STXBP5L: variants seen among roughly 807,000 people sequenced by gnomAD.
The protein encoded by STXBP5L is syntaxin-binding protein 5-like.
A neutral mutation model predicts 144.5 loss-of-function variants in STXBP5L; 65 were observed. The observed-to-expected ratio is 0.45, with a 90% CI of 0.37 to 0.55. STXBP5L has a LOEUF of 0.55. Ranked by LOEUF, STXBP5L falls within the 20% of genes least tolerant of loss-of-function variation. The pLI is 0.00. For missense variants in STXBP5L, 1,298 were observed against 1,405.5 expected (o/e 0.92, Z 1.22); for synonymous variants, 505 against 469.6 (o/e 1.08, Z -0.97).
At position 121,373,380 on chromosome 3, in the gene STXBP5L, C is replaced by A. The variant is rs143883285; in HGVS notation, c.2177-5336C>A. On this transcript the variant is annotated intron_variant, in intron 20 of 26. Coordinates refer to ENST00000471454, the MANE Select transcript of STXBP5L (RefSeq NM_001308330.2). The stretch of plus-strand genomic sequence containing the variant: ...AGTATAAGGAGCTTCCTGGAGTCCA[C>A]AAGACTGCATTGTTTCAGGGAGGGA... Among the ~76,000 whole-genome samples the A allele has an allele frequency of 1.9e-3, 289 of 152,312 alleles. 1 individual carries two copies. In the Middle Eastern group the frequency reaches 0.024, roughly 13 times the overall value.
chr3:121,345,725 A>C (rs1559999624), intron 20 of STXBP5L, among the ~76,000 whole-genome samples: 1 of 152,084 alleles, frequency 6.6e-6, no homozygotes, highest in African/African-American at 2.4e-5. Flanking sequence ...ATGGTATCTC[A>C]TTGTGGTATT....
At chr3:121,156,177 T>C (rs2046104300) in intron 8 of STXBP5L, among the ~76,000 whole-genome samples, 1 of 152,030 alleles carries the variant, frequency 6.6e-6, no homozygotes, top group South Asian at 2.1e-4. Context: ...TGTTGCTTTT[T>C]CCACTTAATC....
At chr3:121,130,549 G>C (rs2044936224) in intron 7 of STXBP5L, among the ~76,000 whole-genome samples, 1 of 152,040 alleles carries the variant, frequency 6.6e-6, no homozygotes, top group African/African-American at 2.4e-5. Context: ...AATTGACAGA[G>C]GAGGAAAGAA....
chr3:121,103,705 G>A (rs996761449), intron 5 of STXBP5L, among the ~76,000 whole-genome samples: 1 of 152,048 alleles, frequency 6.6e-6, no homozygotes, highest in African/African-American at 2.4e-5. Flanking sequence ...AGATAAGACA[G>A]TATAGAGAAT....
intron 3 of STXBP5L, among the ~76,000 whole-genome samples, chr3:120,994,431 A>G (rs1943177949): frequency 6.6e-6 from 1 of 152,098 alleles, no homozygotes; most frequent in Non-Finnish European, 1.5e-5. Flanking sequence ...GGTTTATCAT[A>G]TATGACCTTT....
intron 3 of STXBP5L, among the ~76,000 whole-genome samples, chr3:120,974,806 T>C (rs2107816602): frequency 6.6e-6 from 1 of 152,284 alleles, no homozygotes; most frequent in East Asian, 1.9e-4. Context: ...GGGAATCCTT[T>C]CCCCATTTCT....
chr3:121,178,444 G>A (rs944450389), intron 9 of STXBP5L, among the ~76,000 whole-genome samples: 4 of 152,012 alleles, frequency 2.6e-5, no homozygotes, highest in African/African-American at 9.7e-5. Context: ...AAATAACAAG[G>A]AAAATCTTAA....
chr3:121,040,320 T>C (rs936449381), intron 3 of STXBP5L, among the ~76,000 whole-genome samples: 4 of 152,080 alleles, frequency 2.6e-5, no homozygotes, highest in Admixed American at 2.6e-4. Context: ...CAGAGCAGTC[T>C]TTATCTTAGG....
At chr3:121,029,984 T>C (rs1178897026) in intron 3 of STXBP5L, among the ~76,000 whole-genome samples, 2 of 152,116 alleles carry the variant, frequency 1.3e-5, no homozygotes, top group Non-Finnish European at 2.9e-5. Flanking sequence ...TGAGATACCA[T>C]CTCATGCCAG....
At chr3:121,051,046 A>G (rs1269132329) in intron 5 of STXBP5L, among the ~76,000 whole-genome samples, 1 of 152,238 alleles carries the variant, frequency 6.6e-6, no homozygotes, top group Non-Finnish European at 1.5e-5. Flanking sequence ...TATCCTAAAT[A>G]TATATGCACC....
chr3:121,017,946 G>A (rs536225680), intron 3 of STXBP5L, among the ~76,000 whole-genome samples: 10 of 152,166 alleles, frequency 6.6e-5, no homozygotes, highest in Non-Finnish European at 1.5e-4. Flanking sequence ...ATGTGTTGTG[G>A]CATGCACCCG....
In STXBP5L at chr3:121,235,350, C is replaced by A. The variant is rs186576346; in HGVS notation, c.1184+1662C>A. Among the ~76,000 whole-genome samples the A allele has an allele frequency of 1.7e-3, 264 of 152,130 alleles. 1 individual carries two copies. The highest frequency in any genetic ancestry group is 5.5e-3 in the African/African-American group (230 of 41,550). On this transcript the variant is annotated intron_variant, in intron 12 of 26. Transcript: ENST00000471454. ...TATCTTTTTCTTTCCATTTAATCCC[C>A]AACCCGAAGGCAAGCATTAGGGTTT... is the stretch of plus-strand genomic sequence containing the variant.
At chr3:121,207,483 G>A (rs1034369761) in intron 10 of STXBP5L, among the ~76,000 whole-genome samples, 1 of 152,162 alleles carries the variant, frequency 6.6e-6, no homozygotes, top group East Asian at 1.9e-4. Context: ...TTGACAAATG[G>A]GATCTAATTA....
intron 2 of STXBP5L, among the ~76,000 whole-genome samples, chr3:120,945,837 G>T (rs1430444594): frequency 6.6e-6 from 1 of 151,732 alleles, no homozygotes; most frequent in South Asian, 2.1e-4. Flanking sequence ...ACTGAAAAAA[G>T]AATTTCTCTT....
intron 3 of STXBP5L, among the ~76,000 whole-genome samples, chr3:121,041,365 A>G (rs1265524319): frequency 6.6e-6 from 1 of 152,074 alleles, no homozygotes; most frequent in East Asian, 1.9e-4. Context: ...TTATTGACTC[A>G]CTTTGAATTT....
At chr3:121,238,931 C>T (rs1553746946) in intron 12 of STXBP5L, 40 bp from the exon 13 acceptor site, 4 of 1,462,648 alleles carry the variant, frequency 2.7e-6, no homozygotes, top group African/African-American at 1.5e-5. Flanking sequence ...CTGTTTTTTT[C>T]TTTGTAAAAT....
At chr3:121,139,140 T>C (rs1046893208) in intron 7 of STXBP5L, among the ~76,000 whole-genome samples, 34 of 151,952 alleles carry the variant, frequency 2.2e-4, no homozygotes, top group African/African-American at 7.7e-4. Context: ...ATTACATCTA[T>C]ATGGAAAGAA....
intron 3 of STXBP5L, among the ~76,000 whole-genome samples, chr3:121,036,509 T>C (rs1261618992): frequency 6.6e-6 from 1 of 152,176 alleles, no homozygotes; most frequent in South Asian, 2.1e-4. Flanking sequence ...ACTTCTAGTA[T>C]CTAGCATGAT....
At chr3:121,376,699 T>A (rs759392932) in intron 20 of STXBP5L, among the ~76,000 whole-genome samples, 1 of 152,204 alleles carries the variant, frequency 6.6e-6, no homozygotes, top group Non-Finnish European at 1.5e-5. Flanking sequence ...TGGCTTAGGA[T>A]TGTCTTGGCT....
Sources: allele counts gnomAD v4.1 joint callset (sites outside exome capture counted in the v4.1 genomes callset), GRCh38; gene constraint gnomAD v4.1.1; transcripts MANE v1.5; gene names NCBI Gene and HGNC (gene_info 2026-07-23, HGNC 2026-07-21).